ITPR1: variants seen among roughly 807,000 people sequenced by gnomAD.
The protein encoded by ITPR1 is inositol 1,4,5-trisphosphate-gated calcium channel ITPR1.
A neutral mutation model predicts 318.4 loss-of-function variants in ITPR1; 96 were observed. That is an observed-to-expected ratio of 0.30 (90% CI 0.26 to 0.36). ITPR1 has a LOEUF of 0.36. Ranked by LOEUF, ITPR1 falls within the 10% of genes least tolerant of loss-of-function variation. The probability of loss-of-function intolerance (pLI) is 1.00; values close to 1 mark genes in which losing one functional copy is unlikely to be tolerated. For missense variants in ITPR1, 2,440 were observed against 3,460.2 expected, an observed-to-expected ratio of 0.71 and a Z score of 7.40; for synonymous variants, 1,312 against 1,289.9, an observed-to-expected ratio of 1.02 and a Z score of -0.37.
chr3:4,557,536 A>T (rs1308138749), intron 4 of ITPR1, among the ~76,000 whole-genome samples: 1 of 152,080 alleles, frequency 6.6e-6, no homozygotes, highest in Non-Finnish European at 1.5e-5. Flanking sequence ...GGCCATGATA[A>T]TTCCCTTTTG....
intron 44 of ITPR1, among the ~76,000 whole-genome samples, chr3:4,740,842 A>G (rs1433070537): frequency 1.3e-5 from 2 of 152,214 alleles, no homozygotes; most frequent in Non-Finnish European, 2.9e-5. Context: ...GTCAGGTGAT[A>G]GGATCACGCT....
At chr3:4,602,703 T>A (rs1373907644) in intron 4 of ITPR1, among the ~76,000 whole-genome samples, 1 of 152,168 alleles carries the variant, frequency 6.6e-6, no homozygotes, top group Non-Finnish European at 1.5e-5. Context: ...TGCCAGTACC[T>A]GCTACAACAT....
chr3:4,575,309 A>G (rs79575085), intron 4 of ITPR1, among the ~76,000 whole-genome samples: 3,890 of 152,324 alleles, frequency 0.026, 130 homozygotes, highest in East Asian at 0.14. Flanking sequence ...GGATTTATCT[A>G]TCATCTTTTC....
intron 26 of ITPR1, among the ~76,000 whole-genome samples, chr3:4,681,624 A>AGTATATGT (rs373511110): frequency 6.9e-6 from 1 of 145,788 alleles, no homozygotes; most frequent in Admixed American, 6.8e-5. Context: ...AGAGAGAGAA[A>AGTATATGT]GTGTGTGTGT....
chr3:4,561,402 G>A (rs1325783548), intron 4 of ITPR1, among the ~76,000 whole-genome samples: 1 of 152,178 alleles, frequency 6.6e-6, no homozygotes, highest in African/African-American at 2.4e-5. Flanking sequence ...AGAAATCCCA[G>A]CTTGATTTGA....
intron 10 of ITPR1, among the ~76,000 whole-genome samples, chr3:4,646,271 G>A (rs1450020219): frequency 6.6e-6 from 1 of 152,266 alleles, no homozygotes; most frequent in Non-Finnish European, 1.5e-5. Flanking sequence ...TGCTCTGGAG[G>A]TTTCAGTGAG....
chr3:4,609,677 G>A (rs1281748825), intron 4 of ITPR1, among the ~76,000 whole-genome samples: 3 of 151,756 alleles, frequency 2.0e-5, no homozygotes, highest in Non-Finnish European at 4.4e-5. Flanking sequence ...GATGGAATGG[G>A]ACAGATGGGG....
chr3:4,795,200 T>C lies in ITPR1; in HGVS notation c.6931+13T>C. 1.9e-6 allele frequency: 3 copies of C among 1,610,108 alleles called. No homozygotes were observed. The highest frequency in any genetic ancestry group is 2.5e-6 in the Non-Finnish European group (3 of 1,178,284). The stretch of plus-strand genomic sequence containing the variant: ...GGAGTCCGAGGAGGTACCCATATCT[T>C]TAACTTCAAAAATCCTATTAGAAGC... On this transcript the variant is annotated intron_variant, in intron 53 of 61. Transcript: ENST00000649015.
chr3:4,806,064 C>T, intron 54 of ITPR1, 39 bp from the exon 55 acceptor site: 1 of 1,568,320 alleles, frequency 6.4e-7, no homozygotes, highest in Non-Finnish European at 8.7e-7. Context: ...GAGTTTGGCA[C>T]AGTCCGTGCC....
At chr3:4,519,013 A>G (rs2124923018) in intron 3 of ITPR1, among the ~76,000 whole-genome samples, 1 of 152,248 alleles carries the variant, frequency 6.6e-6, no homozygotes. Context: ...GTATATTTGG[A>G]AACAATAAGT....
At chr3:4,674,695 G>A (rs1335653248) in intron 22 of ITPR1, among the ~76,000 whole-genome samples, 2 of 152,176 alleles carry the variant, frequency 1.3e-5, no homozygotes, top group Admixed American at 1.3e-4. Flanking sequence ...AGTTAACAAC[G>A]TTTCTGAGAC....
At chr3:4,802,465 G>A (rs994737391) in intron 54 of ITPR1, among the ~76,000 whole-genome samples, 6 of 152,160 alleles carry the variant, frequency 3.9e-5, no homozygotes, top group African/African-American at 1.4e-4. Context: ...CTTTGATTAG[G>A]TTTGAGAAGC....
intron 42 of ITPR1, among the ~76,000 whole-genome samples, chr3:4,727,392 T>G (rs2042594007): frequency 1.8e-5 from 2 of 111,090 alleles, no homozygotes; most frequent in Non-Finnish European, 4.5e-5. Flanking sequence ...GGCCTCCAAA[T>G]AATGACCAAG....
At chr3:4,765,930 C>T (rs1247647296) in intron 44 of ITPR1, among the ~76,000 whole-genome samples, 5 of 152,174 alleles carry the variant, frequency 3.3e-5, no homozygotes, top group Non-Finnish European at 1.5e-5. Context: ...TGACCTTTTT[C>T]TTGAAGATTT....
At chr3:4,562,967 G>C (rs1332820552) in intron 4 of ITPR1, among the ~76,000 whole-genome samples, 2 of 139,678 alleles carry the variant, frequency 1.4e-5, no homozygotes, top group Non-Finnish European at 3.1e-5. Flanking sequence ...GGGATGGGTG[G>C]GCCAGCACTA....
At position 4,733,217 on chromosome 3, in the gene ITPR1, G is replaced by A. The variant is rs955390978; in HGVS notation, c.5350G>A (p.Gly1784Arg). The change falls in exon 43 of 62, where the codon GGA becomes AGA. Residue 1784 changes from glycine to arginine, a missense_variant. Gly to Arg is a moderately radical substitution (Grantham distance 125). This residue lies in a region of ITPR1 where 166 missense variants were observed against 143.7 expected (regional missense o/e 1.16). Transcript: ENST00000649015. The part of the protein sequence containing the change: ...SAGGPGKPGG[G>R]GGGSGSSSMS... ...AGGAGGACCCGGCAAGCCCGGGGGA[G>A]GAGGTACGCTTTGTGGTGTAATTAC... 6.2e-7 allele frequency: 1 copy of A among 1,614,016 alleles called. No homozygotes were observed. The highest frequency in any genetic ancestry group is 8.5e-7 in the Non-Finnish European group (1 of 1,179,882).
chr3:4,792,461 G>A (rs1002820684), intron 52 of ITPR1, among the ~76,000 whole-genome samples: 1 of 152,216 alleles, frequency 6.6e-6, no homozygotes, highest in Non-Finnish European at 1.5e-5. Flanking sequence ...GAACTTGGGA[G>A]TGGCTCCTCT....
intron 61 of ITPR1, among the ~76,000 whole-genome samples, chr3:4,843,211 G>A (rs1325895598): frequency 6.6e-6 from 1 of 151,854 alleles, no homozygotes; most frequent in African/African-American, 2.4e-5. Context: ...TTAAATGACA[G>A]CCATTCTGTC....
intron 4 of ITPR1, among the ~76,000 whole-genome samples, chr3:4,552,528 G>A (rs1209662235): frequency 6.6e-6 from 1 of 152,208 alleles, no homozygotes; most frequent in African/African-American, 2.4e-5. Flanking sequence ...GGTCTTGAGT[G>A]TAGGAGCTTC....
Sources: gnomAD v4.1 joint callset for allele counts (sites outside exome capture counted in the v4.1 genomes callset) on GRCh38, gnomAD v4.1.1 for gene constraint, gnomAD v4.1.1 regional missense constraint, MANE v1.5 for transcripts, NCBI Gene and HGNC (gene_info 2026-07-23, HGNC 2026-07-21) for gene names.